DEAF1: variants seen among roughly 807,000 people sequenced by gnomAD.
DEAF1 encodes DEAF1 transcription factor, also known as deformed epidermal autoregulatory factor 1 homolog.
A neutral mutation model predicts 58.9 loss-of-function variants in DEAF1; 53 were observed. The ratio of observed to expected loss-of-function variants is 0.90; its 90% CI spans 0.72 to 1.13. DEAF1 has a LOEUF of 1.13. DEAF1 is among the 50% of genes most tolerant of loss of function. DEAF1 has a pLI of 0.00. For synonymous variants in DEAF1, 385 were observed against 340.4 expected (o/e 1.13, Z -1.44); for missense variants, 685 against 791.4 (o/e 0.87, Z 1.61).
At chr11:684,193 G>A (rs895461381) in intron 6 of DEAF1, among the ~76,000 whole-genome samples, 4 of 150,924 alleles carry the variant, frequency 2.7e-5, no homozygotes, top group Non-Finnish European at 5.9e-5. Flanking sequence ...TGAGGCGGGC[G>A]GATCACATGT....
Position 644,566 on chromosome 11 carries a change from T to C in DEAF1, c.1682A>G (p.Glu561Gly). The change falls in exon 12 of 12, where the codon GAG becomes GGG. Residue 561 changes from glutamate (E) to glycine (G), a missense_variant. Coordinates refer to ENST00000382409, the MANE Select transcript of DEAF1 (RefSeq NM_021008.4). The surrounding 1 kb of genome is among the most constrained non-coding windows in gnomAD (Gnocchi z 4.3). Reference sequence around the variant, plus strand: ...GATGGAGCCTCACACGGTCACCTTCTCCATCACGCTTTCAGCCACGTGGAC... The same window carrying C: ...GATGGAGCCTCACACGGTCACCTTCCCCATCACGCTTTCAGCCACGTGGAC... ...DEVHVAESVM[E>G]KVTV is the part of the protein sequence containing the mutation. 6.2e-7 allele frequency: 1 copy of C among 1,612,910 alleles called. No individual in the cohort carries two copies. The highest frequency in any genetic ancestry group is 8.5e-7 in the Non-Finnish European group (1 of 1,179,910).
chr11:652,595 G>C (rs1453439790), intron 11 of DEAF1, among the ~76,000 whole-genome samples: 1 of 149,948 alleles, frequency 6.7e-6, no homozygotes, highest in Non-Finnish European at 1.5e-5. Context: ...CCGAGATCTT[G>C]CCACTGCACT....
chr11:668,804 A>T (rs1346292770), intron 10 of DEAF1, among the ~76,000 whole-genome samples: 1 of 152,176 alleles, frequency 6.6e-6, no homozygotes, highest in Non-Finnish European at 1.5e-5. Flanking sequence ...CCTGGGTGAC[A>T]AAGTGAAACC....
chr11:678,845 G>A, intron 8 of DEAF1, 23 bp from the exon 9 acceptor site: 1 of 1,612,884 alleles, frequency 6.2e-7, no homozygotes, highest in East Asian at 2.2e-5. Flanking sequence ...AAAAGGACAG[G>A]GAGGCTCGGG....
intron 8 of DEAF1, 101 bp from the exon 9 acceptor site, chr11:678,923 C>T: frequency 6.7e-7 from 1 of 1,496,986 alleles, no homozygotes; most frequent in African/African-American, 1.4e-5. Context: ...CACATAGTAG[C>T]TTATGGCCAC....
At chr11:675,685 G>A (rs924862131) in intron 9 of DEAF1, among the ~76,000 whole-genome samples, 3 of 151,990 alleles carry the variant, frequency 2.0e-5, no homozygotes, top group South Asian at 2.1e-4. Flanking sequence ...TTAGCTAGGC[G>A]TGGAAGCGTC....
intron 6 of DEAF1, among the ~76,000 whole-genome samples, chr11:682,802 A>AAG (rs1860434907): frequency 6.6e-6 from 1 of 152,154 alleles, no homozygotes; most frequent in East Asian, 1.9e-4. Context: ...GGGATGACTG[A>AAG]AGAGATTTTC....
intron 1 of DEAF1, chr11:706,235 GGACGCACCGGC>G (rs1387620615): frequency 2.0e-5 from 3 of 151,992 alleles, no homozygotes; most frequent in Non-Finnish European, 2.9e-5. Context: ...GCGAACAGAC[GGACGCACCGGC>G]GAGCGCCGAG....
At chr11:679,508 C>T (rs528222356) in intron 8 of DEAF1, among the ~76,000 whole-genome samples, 180 bp downstream of exon 8, 1 of 152,316 alleles carries the variant, frequency 6.6e-6, no homozygotes, top group South Asian at 2.1e-4. Flanking sequence ...CACGCCAACC[C>T]CATCCACACT....
In DEAF1 at chr11:689,179, C is replaced by T. The variant is rs144540447; in HGVS notation, c.388-719G>A. Among the ~76,000 whole-genome samples the T allele has an allele frequency of 2.7e-5, 4 of 150,462 alleles. No individual in the cohort carries two copies. In the East Asian group the frequency reaches 7.9e-4, roughly 30 times the overall value. On this transcript the variant is annotated intron_variant, in intron 2 of 11. Coordinates refer to ENST00000382409, the MANE Select transcript of DEAF1 (RefSeq NM_021008.4). ...AACCAACCGAGGCAAAGTGAGAAAACAACTGTTTCTTTTTTTCTTTTTCTT... is the reference window on the plus strand; with the variant it reads ...AACCAACCGAGGCAAAGTGAGAAAATAACTGTTTCTTTTTTTCTTTTTCTT...
chr11:650,406 G>C (rs1041696102), intron 11 of DEAF1, among the ~76,000 whole-genome samples: 2 of 140,008 alleles, frequency 1.4e-5, no homozygotes, highest in Admixed American at 7.2e-5. Context: ...AAAAGGCAGA[G>C]ACTATCAGAC....
Position 694,746 on chromosome 11 carries a change from C to G in DEAF1, c.289+13G>C. The G allele has an allele frequency of 7.7e-7, 1 of 1,291,122 alleles. No individual in the cohort carries two copies. The allele number at this position is 1,291,122 out of a possible 1,614,324, so 80.0% of individuals were successfully genotyped here. On this transcript the variant is annotated intron_variant, in intron 1 of 11. Coordinates refer to ENST00000382409, the MANE Select transcript of DEAF1 (RefSeq NM_021008.4). ...GGAACCGGACGAGGCGAGAGGCCGG[C>G]GGGCGCACTTGCCTGCGAAGGCTGC...
chr11:691,546 G>A lies in DEAF1; in HGVS notation c.342C>T (p.Phe114=), dbSNP rs867499392. 6.2e-7 allele frequency: 1 copy of A among 1,613,792 alleles called. No homozygotes were observed. Among genetic ancestry groups the A allele is most frequent in the South Asian group, 1.1e-5 (1 of 91,084 alleles). The change falls in exon 2 of 12, where the codon TTC becomes TTT. Residue 114 remains phenylalanine (F), a synonymous_variant. Coordinates refer to ENST00000382409, the MANE Select transcript of DEAF1 (RefSeq NM_021008.4). Reference sequence around the variant, plus strand: ...ATGCCGCGTTCGCCACAGACGTGGTGAAGACATTGTCTGCAGCAGCCCCCA... The same window carrying A: ...ATGCCGCGTTCGCCACAGACGTGGTAAAGACATTGTCTGCAGCAGCCCCCA... ...ANVGAAADNV[F]TTSVANAASI...
At chr11:657,835 G>A (rs1382444464) in intron 10 of DEAF1, among the ~76,000 whole-genome samples, 2 of 152,140 alleles carry the variant, frequency 1.3e-5, no homozygotes, top group Non-Finnish European at 2.9e-5. Context: ...GGAAGACAAG[G>A]AAAGACTGAG....
intron 6 of DEAF1, 124 bp downstream of exon 6, chr11:684,774 G>T: frequency 1.2e-6 from 1 of 822,556 alleles, no homozygotes; most frequent in Non-Finnish European, 2.1e-6. Flanking sequence ...GAGAAGTGAG[G>T]ACAGTGTCTC....
chr11:653,006 C>T (rs1023385473), intron 11 of DEAF1, among the ~76,000 whole-genome samples: 2 of 145,140 alleles, frequency 1.4e-5, no homozygotes, highest in Non-Finnish European at 3.0e-5. Flanking sequence ...ATCGCTTGAA[C>T]CCGGGAGGCA....
rs1271646624 is a variant in DEAF1 at position 688,928 on chromosome 11, C to T, written c.388-468G>A. On this transcript the variant is annotated intron_variant, in intron 2 of 11. Coordinates refer to ENST00000382409, the MANE Select transcript of DEAF1 (RefSeq NM_021008.4). This position sits in a 1 kb window ranked among gnomAD's most constrained non-coding sequence, Gnocchi z 4.3. The stretch of plus-strand genomic sequence containing the variant: ...CTGGCTGAAGCTGCTGCAACTGCTG[C>T]CTGCTTCCAAAATCAGCCTTCAGGC... 6.6e-6 allele frequency among the ~76,000 whole-genome samples: 1 copy of T among 152,196 alleles called. No homozygotes were observed. The highest frequency in any genetic ancestry group is 1.5e-5 in the Non-Finnish European group (1 of 68,052).
At position 691,426 on chromosome 11, in the gene DEAF1, G is replaced by A. The variant is rs1352917122; in HGVS notation, c.387+75C>T. On this transcript the variant is annotated intron_variant, in intron 2 of 11. Coordinates refer to ENST00000382409, the MANE Select transcript of DEAF1 (RefSeq NM_021008.4). ...CGTTCACACAGCGGGCTGAACCCCG[G>A]GAGAGCCTCGGGGAAGCCGGAGGCC... 4.1e-5 allele frequency: 57 copies of A among 1,402,340 alleles called. No individual in the cohort carries two copies. In the South Asian group the frequency reaches 5.9e-4, roughly 14 times the overall value. The allele number at this position is 1,402,340 out of a possible 1,614,324, so 86.9% of individuals were successfully genotyped here.
chr11:702,253 G>A lies in DEAF1; in HGVS notation c.-438+4319C>T, dbSNP rs114523946. 2.7e-3 allele frequency among the ~76,000 whole-genome samples: 411 copies of A among 152,350 alleles called. 1 individual carries two copies. The highest frequency in any genetic ancestry group is 9.3e-3 in the African/African-American group (386 of 41,586). ...CCGTCAGTGTCTTGTCTGCACTTAC[G>A]TCCCAGAACCTCTAGAGCTTGCCCC... On this transcript the variant is annotated intron_variant, in intron 1 of 11. Transcript: ENST00000683307.
Sources: allele counts gnomAD v4.1 joint callset (sites outside exome capture counted in the v4.1 genomes callset), GRCh38; gene constraint gnomAD v4.1.1; non-coding constraint Gnocchi (gnomAD v3.1); transcripts MANE v1.5; gene names NCBI Gene and HGNC (gene_info 2026-07-23, HGNC 2026-07-21).